Variants in DAPK2 observed in about 807,000 individuals in gnomAD.
The protein encoded by DAPK2 is death associated protein kinase 2.
In DAPK2, 35 loss-of-function variants were observed where a neutral mutation model predicts 44.1. The observed-to-expected ratio is 0.79, with a 90% CI of 0.61 to 1.05. The LOEUF (loss-of-function observed/expected upper bound fraction) is 1.05. DAPK2 is among the 50% of genes least tolerant of loss of function. The probability of loss-of-function intolerance (pLI) is 0.00; values close to 1 mark genes in which losing one functional copy is unlikely to be tolerated. For missense variants in DAPK2, 453 were observed against 483.2 expected (o/e 0.94, Z 0.59); for synonymous variants, 174 against 182.6 (o/e 0.95, Z 0.38).
intron 8 of DAPK2, chr15:63,922,603 G>A (rs545082913): frequency 7.0e-7 from 1 of 1,422,982 alleles, no homozygotes; most frequent in Admixed American, 2.9e-5. Context: ...TCTGGATTCT[G>A]TGGAGGGGCT....
chr15:63,908,709 G>A lies in DAPK2; in HGVS notation c.1033-109C>T. ...ATTCACCTGGACCACGGGACTACAA[G>A]CCAGGGAGGTGGGTGGTGAAAGCAA... On this transcript the variant is annotated intron_variant, in intron 10 of 10. Coordinates refer to ENST00000261891, the Ensembl canonical transcript of DAPK2. This position sits in a 1 kb window ranked among gnomAD's most constrained non-coding sequence, Gnocchi z 5.7. 3.5e-6 allele frequency: 3 copies of A among 867,684 alleles called. No individual in the cohort carries two copies. In the South Asian group the frequency reaches 5.9e-5, roughly 17 times the overall value. The allele number at this position is 867,684 out of a possible 1,614,324, so 53.7% of individuals were successfully genotyped here. A position where few individuals can be genotyped will look rare whatever the true frequency, so the allele number is the denominator to read the frequency against.
At chr15:63,913,548 C>T (rs1461781327) in intron 8 of DAPK2, among the ~76,000 whole-genome samples, 1 of 152,196 alleles carries the variant, frequency 6.6e-6, no homozygotes, top group African/African-American at 2.4e-5. Context: ...CGCAATGCCT[C>T]ATTCACCTGG....
chr15:63,983,210 C>G (rs62021495), intron 2 of DAPK2, among the ~76,000 whole-genome samples: 3 of 151,990 alleles, frequency 2.0e-5, no homozygotes, highest in African/African-American at 7.2e-5. Context: ...CCACATGCTT[C>G]TCCAGCCAGG....
intron 3 of DAPK2, among the ~76,000 whole-genome samples, chr15:63,970,825 G>C (rs2078192338): frequency 6.6e-6 from 1 of 152,188 alleles, no homozygotes; most frequent in Admixed American, 6.5e-5. Flanking sequence ...GCTTTATGAA[G>C]TCCTATGTGG....
chr15:64,024,394 C>T (rs892817349), intron 1 of DAPK2, among the ~76,000 whole-genome samples: 2 of 152,166 alleles, frequency 1.3e-5, no homozygotes, highest in African/African-American at 2.4e-5. Flanking sequence ...GGTTGGGGAA[C>T]AGGACTTCCT....
chr15:64,029,504 G>A (rs900617344), intron 1 of DAPK2, among the ~76,000 whole-genome samples: 19 of 152,132 alleles, frequency 1.2e-4, no homozygotes, highest in Non-Finnish European at 5.9e-5. Context: ...CCGCGCCCAG[G>A]GTGATAGCTT....
At chr15:63,937,714 C>T (rs2077202026) in intron 4 of DAPK2, among the ~76,000 whole-genome samples, 1 of 152,204 alleles carries the variant, frequency 6.6e-6, no homozygotes, top group Non-Finnish European at 1.5e-5. Context: ...ATCTATTTTA[C>T]TTGCTTTACA....
chr15:63,945,171 C>T (rs768603147), intron 3 of DAPK2, among the ~76,000 whole-genome samples: 2 of 152,150 alleles, frequency 1.3e-5, no homozygotes, highest in Non-Finnish European at 2.9e-5. Flanking sequence ...ACCCAGCTAA[C>T]TCCCTTACTT....
chr15:63,933,441 C>T (rs1009812871), intron 4 of DAPK2, among the ~76,000 whole-genome samples: 4 of 152,024 alleles, frequency 2.6e-5, no homozygotes, highest in Non-Finnish European at 5.9e-5. Flanking sequence ...CGGGGTTTCA[C>T]CATGTTGGCC....
chr15:64,039,321 T>G (rs1040100365), intron 1 of DAPK2, among the ~76,000 whole-genome samples: 4 of 152,224 alleles, frequency 2.6e-5, no homozygotes, highest in Non-Finnish European at 4.4e-5. Flanking sequence ...AGTGCCAAGC[T>G]CATGGGAGAG....
upstream of DAPK2, among the ~76,000 whole-genome samples, chr15:64,040,516 ATC>A (rs1651448996): frequency 6.6e-6 from 1 of 152,122 alleles, no homozygotes; most frequent in Non-Finnish European, 1.5e-5. Flanking sequence ...AGGTCTTCAG[ATC>A]TGTCTGAAGA....
chr15:64,002,503 T>A (rs927668345), intron 1 of DAPK2, among the ~76,000 whole-genome samples: 4 of 152,194 alleles, frequency 2.6e-5, no homozygotes, highest in Non-Finnish European at 5.9e-5. Flanking sequence ...ATTTCATAAT[T>A]AATGGATGGA....
chr15:63,910,770 C>T (rs1310294554), intron 10 of DAPK2: 1 of 152,146 alleles, frequency 6.6e-6, no homozygotes, highest in Non-Finnish European at 1.5e-5. Flanking sequence ...GTTGCCTGGG[C>T]TGGTCTTTAA....
At position 63,912,151 on chromosome 15, in the gene DAPK2, T is replaced by C. The variant is rs2078813754; in HGVS notation, c.905A>G (p.Asn302Ser). Residue 302 changes from asparagine to serine, a missense_variant, in exon 9 of 11, where the codon AAT (asparagine) becomes AGT (serine). By Grantham distance (46) the Asn-to-Ser change is conservative. Transcript: ENST00000261891. This position sits in a 1 kb window ranked among gnomAD's most constrained non-coding sequence, Gnocchi z 4.4. Reference sequence around the variant, plus strand: ...ATACTGCTTCCTGAAGTTCTCCAGATTGACCACAGACTCCCTGCGCACCAT... The same window carrying C: ...ATACTGCTTCCTGAAGTTCTCCAGACTGACCACAGACTCCCTGCGCACCAT... The C allele has an allele frequency of 6.2e-7, 1 of 1,610,074 alleles. No individual in the cohort carries two copies. Among genetic ancestry groups the C allele is most frequent in the East Asian group, 2.2e-5 (1 of 44,514 alleles).
chr15:64,015,006 G>T (rs2079486479), intron 1 of DAPK2, among the ~76,000 whole-genome samples: 1 of 152,148 alleles, frequency 6.6e-6, no homozygotes, highest in Non-Finnish European at 1.5e-5. Context: ...TAGCCAAGAG[G>T]CATGCAGTAA....
chr15:63,924,687 C>A (rs948873145), intron 8 of DAPK2, 129 bp downstream of exon 9: 3 of 1,001,880 alleles, frequency 3.0e-6, no homozygotes, highest in Non-Finnish European at 4.5e-6. Flanking sequence ...GGCTAGCTTT[C>A]ATCTGTGCCC....
chr15:63,970,857 C>A (rs1012987366), intron 3 of DAPK2, among the ~76,000 whole-genome samples: 5 of 152,272 alleles, frequency 3.3e-5, no homozygotes, highest in African/African-American at 1.2e-4. Flanking sequence ...TCTCTCAGTC[C>A]TGAATACCAG....
chr15:64,017,865 G>A (rs910083432), intron 1 of DAPK2, among the ~76,000 whole-genome samples: 4 of 152,142 alleles, frequency 2.6e-5, no homozygotes, highest in Non-Finnish European at 5.9e-5. Context: ...GGAGAAGGAG[G>A]AGAGGACAAA....
At chr15:64,015,796 A>G (rs1464308047) in intron 1 of DAPK2, among the ~76,000 whole-genome samples, 3 of 152,200 alleles carry the variant, frequency 2.0e-5, no homozygotes, top group Non-Finnish European at 4.4e-5. Context: ...AGCCAAGAAC[A>G]CAAAGGATCA....
Sources: allele counts gnomAD v4.1 joint callset (sites outside exome capture counted in the v4.1 genomes callset), GRCh38; gene constraint gnomAD v4.1.1; non-coding constraint Gnocchi (gnomAD v3.1); transcripts MANE v1.5; gene names NCBI Gene and HGNC (gene_info 2026-07-23, HGNC 2026-07-21).